Variants in NMNAT2 observed in about 807,000 individuals in gnomAD.
The protein encoded by NMNAT2 is nicotinamide/nicotinic acid mononucleotide adenylyltransferase 2.
NMNAT2 carries 11 observed loss-of-function variants against 41.6 expected under a neutral mutation model. The ratio of observed to expected loss-of-function variants is 0.26; its 90% confidence interval spans 0.17 to 0.44. The LOEUF (loss-of-function observed/expected upper bound fraction) is 0.44, where lower values mean the gene tolerates loss of function less well. NMNAT2 is among the 20% of genes least tolerant of loss of function. The pLI, the probability that NMNAT2 is intolerant of heterozygous loss-of-function variation, is 1.00. For missense variants in NMNAT2, 288 were observed against 407.7 expected, an observed-to-expected ratio of 0.71 and a Z score of 2.53; for synonymous variants, 148 against 151.2, an observed-to-expected ratio of 0.98 and a Z score of 0.16.
At chr1:183,276,918 T>C (rs1339511976) in intron 8 of NMNAT2, among the ~76,000 whole-genome samples, 3 of 152,258 alleles carry the variant, frequency 2.0e-5, no homozygotes, top group Middle Eastern at 3.2e-3. Context: ...ACTGTATATT[T>C]CACACAGTAT....
intron 1 of NMNAT2, among the ~76,000 whole-genome samples, chr1:183,354,498 AC>A (rs1229787180): frequency 1.5e-5 from 2 of 131,770 alleles, no homozygotes; most frequent in Non-Finnish European, 3.1e-5. Flanking sequence ...TGTAGCCTTG[AC>A]CCCCCAGGCT....
intron 3 of NMNAT2, among the ~76,000 whole-genome samples, chr1:183,291,473 C>G (rs1382902712): frequency 6.6e-6 from 1 of 152,174 alleles, no homozygotes; most frequent in East Asian, 1.9e-4. Context: ...GGCGCCCCAC[C>G]CCAGCCAACC....
intron 1 of NMNAT2, among the ~76,000 whole-genome samples, chr1:183,404,593 T>G (rs1648903297): frequency 6.6e-6 from 1 of 152,162 alleles, no homozygotes; most frequent in Admixed American, 6.5e-5. Context: ...GAGAACTGAA[T>G]GCTCCATTTC....
chr1:183,365,866 G>A (rs1217341354), intron 1 of NMNAT2, among the ~76,000 whole-genome samples: 2 of 152,206 alleles, frequency 1.3e-5, no homozygotes, highest in Non-Finnish European at 2.9e-5. Context: ...AGCAAGGGCT[G>A]AATAAGGCAG....
Position 183,341,741 on chromosome 1 carries a change from AAAAAAAC to A in NMNAT2, c.86-47955_86-47949del, listed in dbSNP as rs1482445283. Among the ~76,000 whole-genome samples the A allele has an allele frequency of 7.5e-4, 108 of 143,804 alleles. 11 individuals carry two copies. The highest frequency in any genetic ancestry group is 6.6e-3 in the South Asian group (29 of 4,378). 94.3% of individuals were successfully genotyped at this position (143,804 alleles called of 152,430 possible). ...AACAAACACCAAAAAAAAAAAAAAAAAAAAAACCTGTTTCCTTCACTCCAGGTTACTT... is the reference window on the plus strand; with the variant it reads ...AACAAACACCAAAAAAAAAAAAAAAACTGTTTCCTTCACTCCAGGTTACTT... On this transcript the variant is annotated intron_variant, in intron 1 of 10. Coordinates refer to ENST00000287713, the MANE Select transcript of NMNAT2 (RefSeq NM_015039.4).
At chr1:183,305,274 T>C (rs1217950706) in intron 1 of NMNAT2, among the ~76,000 whole-genome samples, 2 of 151,340 alleles carry the variant, frequency 1.3e-5, no homozygotes, top group African/African-American at 4.9e-5. Flanking sequence ...CCACAGACTG[T>C]GGTACTAAAT....
At chr1:183,382,949 G>A (rs1205264560) in intron 1 of NMNAT2, among the ~76,000 whole-genome samples, 4 of 152,136 alleles carry the variant, frequency 2.6e-5, no homozygotes, top group Admixed American at 1.3e-4. Flanking sequence ...TCTGTGTGGG[G>A]GCTCCAATCC....
At chr1:183,405,567 C>A (rs1648930391) in intron 1 of NMNAT2, among the ~76,000 whole-genome samples, 1 of 152,102 alleles carries the variant, frequency 6.6e-6, no homozygotes, top group Admixed American at 6.6e-5. Context: ...ACATGGGAGC[C>A]CTGGGAATAG....
rs1661338262 is a variant in NMNAT2, at chr1:183,284,051, A to AGAAG, written c.530-16_530-13dup. 1 of 1,609,682 alleles carries AGAAG rather than the reference A, an allele frequency of 6.2e-7. No individual in the cohort carries two copies. Among genetic ancestry groups the AGAAG allele is most frequent in the Admixed American group, 1.7e-5 (1 of 59,906 alleles). Reference sequence around the variant, plus strand: ...ATTGGCATTCTCATCTAAGGAGGAAAGAAGGAAGGTAGGGCATTAGGGAAC... The same window carrying AGAAG: ...ATTGGCATTCTCATCTAAGGAGGAAAGAAGGAAGGAAGGTAGGGCATTAGGGAAC... On this transcript the variant is annotated splice_polypyrimidine_tract_variant and intron_variant, in intron 6 of 10. Transcript: ENST00000287713.
chr1:183,318,607 G>T (rs1037526581), intron 1 of NMNAT2, among the ~76,000 whole-genome samples: 1 of 152,176 alleles, frequency 6.6e-6, no homozygotes, highest in Non-Finnish European at 1.5e-5. Context: ...GTTTAGGGAG[G>T]CCAGGACAGA....
intron 8 of NMNAT2, among the ~76,000 whole-genome samples, chr1:183,276,655 TC>T (rs1266580632): frequency 6.6e-6 from 1 of 152,220 alleles, no homozygotes; most frequent in East Asian, 1.9e-4. Context: ...GCTGCTGACC[TC>T]GTCCCTCTAA....
intron 1 of NMNAT2, among the ~76,000 whole-genome samples, chr1:183,386,671 T>C (rs1389370958): frequency 1.3e-5 from 2 of 152,212 alleles, no homozygotes; most frequent in South Asian, 2.1e-4. Flanking sequence ...TCTATAGTTA[T>C]GTATTCTGCC....
intron 7 of NMNAT2, chr1:183,283,654 C>T: frequency 2.7e-6 from 1 of 364,178 alleles, no homozygotes; most frequent in East Asian, 7.0e-5. Context: ...GCTCTTCTGC[C>T]TCATTTGTGT....
intron 4 of NMNAT2, among the ~76,000 whole-genome samples, chr1:183,287,632 G>T (rs1027918353): frequency 6.6e-6 from 1 of 152,244 alleles, no homozygotes; most frequent in Non-Finnish European, 1.5e-5. Flanking sequence ...GTGATGGGGA[G>T]AGTAGCTGTT....
intron 1 of NMNAT2, among the ~76,000 whole-genome samples, chr1:183,330,462 G>A (rs1314132914): frequency 6.6e-6 from 1 of 152,156 alleles, no homozygotes; most frequent in African/African-American, 2.4e-5. Context: ...GACAGGTGCT[G>A]GCTTTCAGCT....
At chr1:183,308,925 G>A (rs1571589455) in intron 1 of NMNAT2, among the ~76,000 whole-genome samples, 1 of 152,184 alleles carries the variant, frequency 6.6e-6, no homozygotes, top group Non-Finnish European at 1.5e-5. Context: ...TGCAGCGCTG[G>A]GAAAACAGGC....
At chr1:183,252,855 G>C in intron 10 of NMNAT2, 112 bp from the exon 11 acceptor site, 1 of 759,382 alleles carries the variant, frequency 1.3e-6, no homozygotes, top group South Asian at 1.5e-5. Flanking sequence ...CTCAGGTTGA[G>C]TAAATAGTTC....
rs144479183 is a variant in NMNAT2 at position 183,395,781 on chromosome 1, T to C, written c.85+22402A>G. On this transcript the variant is annotated intron_variant, in intron 1 of 10. Coordinates refer to ENST00000287713, the MANE Select transcript of NMNAT2 (RefSeq NM_015039.4). ...TATTGGGAGAGGGGAGGTTATTGAATAATAATCTGTAGGCATTTCTGCCAA... is the reference window on the plus strand; with the variant it reads ...TATTGGGAGAGGGGAGGTTATTGAACAATAATCTGTAGGCATTTCTGCCAA... 1.1e-3 allele frequency among the ~76,000 whole-genome samples: 165 copies of C among 152,302 alleles called. 1 individual carries two copies. Among genetic ancestry groups the C allele is most frequent in the African/African-American group, 3.6e-3 (151 of 41,558 alleles).
At chr1:183,405,431 T>C (rs1415744855) in intron 1 of NMNAT2, among the ~76,000 whole-genome samples, 2 of 152,220 alleles carry the variant, frequency 1.3e-5, no homozygotes, top group African/African-American at 2.4e-5. Context: ...GAATTTTTCA[T>C]AAGAAAAATG....
Sources: allele counts gnomAD v4.1 joint callset (sites outside exome capture counted in the v4.1 genomes callset), GRCh38; gene constraint gnomAD v4.1.1; transcripts MANE v1.5; gene names NCBI Gene and HGNC (gene_info 2026-07-23, HGNC 2026-07-21).